Variants in PRKAR1B observed in about 807,000 individuals in gnomAD.
The protein encoded by PRKAR1B is protein kinase cAMP-dependent type I regulatory subunit beta, also known as cAMP-dependent protein kinase type I-beta regulatory subunit.
Under a neutral mutation model 46.5 loss-of-function variants are expected in PRKAR1B, and 22 were observed. The ratio of observed to expected loss-of-function variants is 0.47; its 90% CI spans 0.34 to 0.68. The LOEUF (loss-of-function observed/expected upper bound fraction) is 0.68, where lower values mean the gene tolerates loss of function less well. Among genes scored for constraint, PRKAR1B ranks in the 30% least tolerant of loss-of-function variants. The pLI is 0.01. For missense variants in PRKAR1B, 445 were observed against 535.6 expected (o/e 0.83, Z 1.67); for synonymous variants, 259 against 217.7 (o/e 1.19, Z -1.67).
At chr7:679,915 T>C (rs1778562390) in intron 3 of PRKAR1B, among the ~76,000 whole-genome samples, 2 of 151,854 alleles carry the variant, frequency 1.3e-5, no homozygotes, top group Non-Finnish European at 2.9e-5. Flanking sequence ...CCCCAGCACT[T>C]TGGGAGGCCA....
chr7:726,839 C>T lies in PRKAR1B; in HGVS notation c.-23+371G>A, dbSNP rs1422816251. 18 of 1,326,980 alleles carry T rather than the reference C, an allele frequency of 1.4e-5. No individual in the cohort carries two copies. The East Asian group carries it at 4.1e-4, about 30-fold the overall frequency. The allele number at this position is 1,326,980 out of a possible 1,614,324, so 82.2% of individuals were successfully genotyped here. On this transcript the variant is annotated intron_variant, in intron 1 of 10. Transcript: ENST00000537384. The stretch of plus-strand genomic sequence containing the variant: ...AGCCGCCTGCTGCCGGGGCTGGAGG[C>T]CGACAGCAAGCCGGGCCGGCGGCGC...
At chr7:556,777 A>G (rs1271777793) in intron 9 of PRKAR1B, among the ~76,000 whole-genome samples, 1 of 152,170 alleles carries the variant, frequency 6.6e-6, no homozygotes, top group Non-Finnish European at 1.5e-5. Flanking sequence ...CACCTTCTCC[A>G]AACACACCCC....
chr7:606,323 C>A, intron 5 of PRKAR1B, 84 bp from the exon 6 acceptor site: 1 of 1,341,640 alleles, frequency 7.5e-7, no homozygotes. Context: ...ACTTTCGCAA[C>A]ACTGTTGCAG....
At chr7:726,079 AG>A (rs1781256219) in intron 1 of PRKAR1B, among the ~76,000 whole-genome samples, 2 of 870 alleles carry the variant, frequency 2.3e-3, no homozygotes, top group Non-Finnish European at 5.4e-3. Context: ...TTCTGCATGC[AG>A]CCAGTTTCTG....
chr7:567,605 C>G (rs1459536638), intron 9 of PRKAR1B, among the ~76,000 whole-genome samples: 3 of 152,160 alleles, frequency 2.0e-5, no homozygotes, highest in Admixed American at 2.0e-4. Context: ...GTGGTGGCAG[C>G]AGCAGCAGTA....
intron 3 of PRKAR1B, 76 bp from the exon 4 acceptor site, chr7:677,396 C>G (rs995638390): frequency 8.4e-7 from 1 of 1,186,196 alleles, no homozygotes; most frequent in African/African-American, 1.5e-5. Context: ...TCTCCCTACT[C>G]CACCCTCAGC....
At chr7:581,860 C>T (rs1243633300) in intron 8 of PRKAR1B, among the ~76,000 whole-genome samples, 1 of 152,140 alleles carries the variant, frequency 6.6e-6, no homozygotes, top group Non-Finnish European at 1.5e-5. Flanking sequence ...GAATTACAGA[C>T]ATGAGCCACC....
intron 9 of PRKAR1B, among the ~76,000 whole-genome samples, chr7:573,250 C>G (rs1018019531): frequency 6.6e-6 from 1 of 152,214 alleles, no homozygotes; most frequent in Non-Finnish European, 1.5e-5. Flanking sequence ...GCTATGAAAG[C>G]GATACCTTCC....
Position 550,267 on chromosome 7 carries a change from A to T in PRKAR1B, c.*163T>A. 4.9e-6 allele frequency: 3 copies of T among 617,594 alleles called. 1 individual carries two copies. The highest frequency in any genetic ancestry group is 3.9e-5 in the South Asian group (2 of 50,908). 38.3% of individuals were successfully genotyped at this position (617,594 alleles called of 1,614,324 possible). A position where few individuals can be genotyped will look rare whatever the true frequency, so the allele number is the denominator to read the frequency against. On this transcript the variant is annotated 3_prime_UTR_variant, in exon 11 of 11. Transcript: ENST00000537384. ...TGATTTGGAAATGCACAAGGTGATC[A>T]TTTATTCCAAAAAGTGAGTCCGGGG...
chr7:582,016 G>A (rs953631703), intron 8 of PRKAR1B, among the ~76,000 whole-genome samples: 5 of 152,264 alleles, frequency 3.3e-5, no homozygotes, highest in African/African-American at 4.8e-5. Context: ...ATCATGTCCA[G>A]CTAATTTTTT....
chr7:711,177 C>T, intron 2 of PRKAR1B, 152 bp downstream of exon 2: 2 of 1,074,542 alleles, frequency 1.9e-6, no homozygotes, highest in East Asian at 2.6e-5. Context: ...CGGCCTCTCT[C>T]CCCGCGCTTC....
At chr7:578,968 C>T (rs1196549875) in intron 9 of PRKAR1B, 84 of 1,206,562 alleles carry the variant, frequency 7.0e-5, no homozygotes, top group East Asian at 9.4e-5. Flanking sequence ...AGGCGTGAGC[C>T]GCCGCGCCCG....
Position 724,841 on chromosome 7 carries a change from G to A in PRKAR1B, c.-23+2369C>T, listed in dbSNP as rs553611160. On this transcript the variant is annotated intron_variant, in intron 1 of 10. Transcript: ENST00000537384. The stretch of plus-strand genomic sequence containing the variant: ...TTGTCATCCTGTCCCACATGTTGCA[G>A]ACAGTGCCTGGTCAAACAAATGCCT... Among the ~76,000 whole-genome samples, 5 of 152,340 alleles carry A rather than the reference G, an allele frequency of 3.3e-5. No individual in the cohort carries two copies. The South Asian group carries it at 6.2e-4, about 19-fold the overall frequency.
At chr7:673,425 G>A (rs932018451) in intron 4 of PRKAR1B, among the ~76,000 whole-genome samples, 4 of 152,140 alleles carry the variant, frequency 2.6e-5, no homozygotes, top group African/African-American at 7.2e-5. Flanking sequence ...CGAGGAGAGT[G>A]GATCACAAGG....
chr7:605,591 C>T (rs558751555), intron 6 of PRKAR1B, among the ~76,000 whole-genome samples: 4 of 152,296 alleles, frequency 2.6e-5, no homozygotes, highest in South Asian at 2.1e-4. Flanking sequence ...CCATCGGGCA[C>T]GAGACGGGGT....
Position 673,071 on chromosome 7 carries a change from A to AAAAAAAC in PRKAR1B, c.440+4157_440+4158insGTTTTTT, listed in dbSNP as rs1192306155. Among the ~76,000 whole-genome samples the AAAAAAAC allele has an allele frequency of 1.4e-5, 2 of 144,484 alleles. 1 individual carries two copies. Among genetic ancestry groups the AAAAAAAC allele is most frequent in the Non-Finnish European group, 3.0e-5 (2 of 66,336 alleles). The allele number at this position is 144,484 out of a possible 152,430, so 94.8% of individuals were successfully genotyped here. The stretch of plus-strand genomic sequence containing the variant: ...AAAAAAAAAAAAAAAAAAAAAAAAA[A>AAAAAAAC]AAAAAAACACACACACACAGAATGG... On this transcript the variant is annotated intron_variant, in intron 4 of 10. Transcript: ENST00000537384.
chr7:690,328 G>A (rs939478264), intron 2 of PRKAR1B, among the ~76,000 whole-genome samples: 2 of 151,536 alleles, frequency 1.3e-5, no homozygotes, highest in African/African-American at 2.4e-5. Context: ...GGAAGGGAGC[G>A]AGGGCTGAAA....
At chr7:646,979 C>G (rs1232081800) in intron 4 of PRKAR1B, among the ~76,000 whole-genome samples, 1 of 152,124 alleles carries the variant, frequency 6.6e-6, no homozygotes, top group Non-Finnish European at 1.5e-5. Context: ...TGACACTGCC[C>G]CCCACTCCTG....
chr7:726,966 G>A (rs1781327133), intron 1 of PRKAR1B: 1 of 1,316,576 alleles, frequency 7.6e-7, no homozygotes. Context: ...CGCGCTTGCT[G>A]CGCTGCCTGA....
Sources: gnomAD v4.1 joint callset for allele counts (sites outside exome capture counted in the v4.1 genomes callset) on GRCh38, gnomAD v4.1.1 for gene constraint, MANE v1.5 for transcripts, NCBI Gene and HGNC (gene_info 2026-07-23, HGNC 2026-07-21) for gene names.